The following GCDH variants were observed in gnomAD, a reference collection of about 807,000 sequenced individuals.
GCDH encodes glutaryl-CoA dehydrogenase, mitochondrial.
In GCDH, 31 loss-of-function variants were observed where a neutral mutation model predicts 52.8. The observed-to-expected ratio is 0.59, with a 90% CI of 0.44 to 0.79. The LOEUF is 0.79. Ranked by LOEUF, GCDH falls within the 30% of genes least tolerant of loss-of-function variation. GCDH has a pLI of 0.00. For synonymous variants in GCDH, 242 were observed against 250.0 expected (o/e 0.97, Z 0.30); for missense variants, 509 against 595.0 (o/e 0.86, Z 1.50).
At chr19:12,892,001 A>T in intron 4 of GCDH, 27 bp downstream of exon 4, 1 of 1,614,040 alleles carries the variant, frequency 6.2e-7, no homozygotes, top group Non-Finnish European at 8.5e-7. Context: ...GTGCCCTGAG[A>T]CTGCTCCTCC....
intron 5 of GCDH, 35 bp downstream of exon 5, chr19:12,892,213 C>T (rs768312980): frequency 9.1e-6 from 14 of 1,545,884 alleles, no homozygotes; most frequent in Non-Finnish European, 1.3e-5. Context: ...ACTGCAGAAC[C>T]CTCTGTATTC....
chr19:12,896,157 G>T lies in GCDH; in HGVS notation c.635+36G>T, dbSNP rs761489897. On this transcript the variant is annotated intron_variant, in intron 7 of 11. Transcript: ENST00000222214. This position sits in a 1 kb window ranked among gnomAD's most constrained non-coding sequence, Gnocchi z 5.5. ...TGGGTGGTGGGCAGGTGGTGAACAG[G>T]GGCAAAGGGGCACTGGTCAGACCCC... 6.5e-5 allele frequency: 105 copies of T among 1,613,970 alleles called. No homozygotes were observed. The highest frequency in any genetic ancestry group is 8.2e-5 in the Non-Finnish European group (97 of 1,180,010).
Position 12,896,405 on chromosome 19 carries a change from G to A in GCDH, c.836G>A (p.Gly279Asp). 1 of 1,613,520 alleles carries A rather than the reference G, an allele frequency of 6.2e-7. No individual in the cohort carries two copies. Among genetic ancestry groups the A allele is most frequent in the Non-Finnish European group, 8.5e-7 (1 of 1,179,822 alleles). The stretch of plus-strand genomic sequence containing the variant: ...GTGCCAGAGGAGAATGTGCTCCCTG[G>A]TGCATCCAGCCTGGGGGTAAGTGGC... Reference protein sequence around the residue: ...VEVPEENVLPGASSLGGPFGC... With the variant: ...VEVPEENVLPDASSLGGPFGC... The change falls in exon 8 of 12, where the codon GGT becomes GAT. Residue 279 changes from glycine (G) to aspartate (D), a missense_variant. Coordinates refer to ENST00000222214, the MANE Select transcript of GCDH (RefSeq NM_000159.4). The surrounding 1 kb of genome is among the most constrained non-coding windows in gnomAD (Gnocchi z 5.5).
At chr19:12,894,499 T>A in intron 6 of GCDH, 1 of 712,042 alleles carries the variant, frequency 1.4e-6, no homozygotes, top group Middle Eastern at 2.8e-4. Flanking sequence ...AGGGTATTCC[T>A]GGACTGACTG....
rs1475316070 is a variant in GCDH, at chr19:12,891,379, G to T, written c.75G>T (p.Ser25=). ...PGLHVLRTWV[S]SAAQTEKGGR... is the part of the protein sequence containing the mutation. ...TGCACGTCCTTCGCACGTGGGTCTC[G>T]TCGGCGGCGCAGACCGGTCAGTGTG... is the stretch of plus-strand genomic sequence containing the variant. Residue 25 remains serine, a synonymous_variant, in exon 2 of 12, where the codon TCG becomes TCT. Coordinates refer to ENST00000222214, the MANE Select transcript of GCDH (RefSeq NM_000159.4). 1.9e-6 allele frequency: 3 copies of T among 1,614,042 alleles called. No individual in the cohort carries two copies. In the Admixed American group the frequency reaches 5.0e-5, roughly 27 times the overall value.
chr19:12,896,818 G>A lies in GCDH; in HGVS notation c.853-92G>A. 1 of 871,918 alleles carries A rather than the reference G, an allele frequency of 1.1e-6. No individual in the cohort carries two copies. Among genetic ancestry groups the A allele is most frequent in the African/African-American group, 1.7e-5 (1 of 60,566 alleles). The allele number at this position is 871,918 out of a possible 1,614,324, so 54.0% of individuals were successfully genotyped here. Reference sequence around the variant, plus strand: ...CTGAGTCCCCCTGCGTGGGGTGGCTGGGGAGGAGGCTTTCCCTGCTTCAGA... The same window carrying A: ...CTGAGTCCCCCTGCGTGGGGTGGCTAGGGAGGAGGCTTTCCCTGCTTCAGA... On this transcript the variant is annotated intron_variant, in intron 8 of 11. Transcript: ENST00000222214. This position sits in a 1 kb window ranked among gnomAD's most constrained non-coding sequence, Gnocchi z 5.5.
rs1970800526 is a variant in GCDH at position 12,899,978 on chromosome 19, T to G, written c.*437T>G. ...AAGACCTGCACATCTGACCCCAAGG[T>G]GTCAGGCCGGTTTACTGGTAACCAC... On this transcript the variant is annotated 3_prime_UTR_variant, in exon 12 of 12. Transcript: ENST00000222214. 1 of 1,612,286 alleles carries G rather than the reference T, an allele frequency of 6.2e-7. No homozygotes were observed. The highest frequency in any genetic ancestry group is 8.5e-7 in the Non-Finnish European group (1 of 1,179,634).
chr19:12,893,446 T>A lies in GCDH; in HGVS notation c.335-37T>A, dbSNP rs534426559. On this transcript the variant is annotated intron_variant, in intron 5 of 11. Transcript: ENST00000222214. ...GGGTCTTAGCTGGGCAGGGCCCTGT[T>A]CTCTATTGTCCTGCTTTCCCCTCCT... 14 of 1,592,168 alleles carry A rather than the reference T, an allele frequency of 8.8e-6. No individual in the cohort carries two copies. In the East Asian group the frequency reaches 3.1e-4, roughly 36 times the overall value.
chr19:12,892,278 T>C (rs1212012002), intron 5 of GCDH, 100 bp downstream of exon 5: 1 of 1,085,590 alleles, frequency 9.2e-7, no homozygotes, highest in African/African-American at 1.5e-5. Flanking sequence ...CTCTTTCTTT[T>C]CTTTTCCTTT....
rs918473490 is a variant in GCDH at position 12,899,928 on chromosome 19, G to C, written c.*387G>C. ...GGGTAGTGCCTTATGCTGGGTGTTG[G>C]AGCAGAGTGAGGGAGAGGAAAATAA... is the stretch of plus-strand genomic sequence containing the variant. On this transcript the variant is annotated 3_prime_UTR_variant, in exon 12 of 12. Coordinates refer to ENST00000222214, the MANE Select transcript of GCDH (RefSeq NM_000159.4). The C allele has an allele frequency of 9.9e-6, 16 of 1,611,056 alleles. No individual in the cohort carries two copies. The highest frequency in any genetic ancestry group is 2.7e-5 in the African/African-American group (2 of 74,716).
intron 3 of GCDH, 58 bp from the exon 4 acceptor site, chr19:12,891,773 C>T: frequency 9.9e-6 from 16 of 1,611,014 alleles, no homozygotes; most frequent in Non-Finnish European, 1.4e-5. Flanking sequence ...GATGAGGGTC[C>T]GAGAAGGGAG....
At chr19:12,897,457 A>G in intron 10 of GCDH, 29 bp downstream of exon 10, 1 of 1,605,910 alleles carries the variant, frequency 6.2e-7, no homozygotes, top group Middle Eastern at 1.7e-4. Flanking sequence ...GGGCGGGGGG[A>G]TGGCAGCGGT....
chr19:12,891,721 C>T, intron 3 of GCDH, 110 bp from the exon 4 acceptor site: 3 of 1,605,830 alleles, frequency 1.9e-6, no homozygotes, highest in Non-Finnish European at 1.7e-6. Context: ...GCTTGCAGCT[C>T]GCACTAGCCG....
chr19:12,891,388 G>T lies in GCDH; in HGVS notation c.84G>T (p.Ala28=). 1 of 1,614,078 alleles carries T rather than the reference G, an allele frequency of 6.2e-7. No homozygotes were observed. Among genetic ancestry groups the T allele is most frequent in the Non-Finnish European group, 8.5e-7 (1 of 1,180,018 alleles). The change falls in exon 2 of 12, where the codon GCG becomes GCT. Residue 28 remains alanine (A), a synonymous_variant. Transcript: ENST00000222214. ...HVLRTWVSSA[A]QTEKGGRTQS... ...TTCGCACGTGGGTCTCGTCGGCGGCGCAGACCGGTCAGTGTGGGGTCGGGA... is the reference window on the plus strand; with the variant it reads ...TTCGCACGTGGGTCTCGTCGGCGGCTCAGACCGGTCAGTGTGGGGTCGGGA...
chr19:12,899,159 C>T, intron 11 of GCDH: 1 of 616,548 alleles, frequency 1.6e-6, no homozygotes, highest in Admixed American at 2.8e-5. Flanking sequence ...AAGCCTGGGC[C>T]TATGGCAGGG....
rs377368501 is a variant in GCDH, at chr19:12,892,104, G to A, written c.272-12G>A. ...GGCCTGGGCCTGAATTTGGGCACTG[G>A]TCCCTTTGCAGTTTTTCATCGGGAG... On this transcript the variant is annotated splice_polypyrimidine_tract_variant and intron_variant, in intron 4 of 11. Coordinates refer to ENST00000222214, the MANE Select transcript of GCDH (RefSeq NM_000159.4). 1.1e-4 allele frequency: 182 copies of A among 1,614,128 alleles called. 2 individuals carry two copies. In the South Asian group the frequency reaches 1.9e-3, roughly 17 times the overall value.
At position 12,896,703 on chromosome 19, in the gene GCDH, C is replaced by A. The variant is rs926092453; in HGVS notation, c.853-207C>A. 1.3e-5 allele frequency among the ~76,000 whole-genome samples: 2 copies of A among 152,206 alleles called. No homozygotes were observed. The highest frequency in any genetic ancestry group is 6.5e-5 in the Admixed American group (1 of 15,280). On this transcript the variant is annotated intron_variant, in intron 8 of 11. Coordinates refer to ENST00000222214, the MANE Select transcript of GCDH (RefSeq NM_000159.4). This position sits in a 1 kb window ranked among gnomAD's most constrained non-coding sequence, Gnocchi z 5.5. ...AGCCTCCTGGCTCTGAGCATCGAAC[C>A]CAGATGCCAGGCTGGGTGGGACTGT...
chr19:12,897,297 A>C lies in GCDH; in HGVS notation c.957-6A>C, dbSNP rs748270195. ...CCTCGCTCTTACCCTGCCATTGCCC[A>C]TGTAGGATGCAGTTTGGTGTCCCAC... On this transcript the variant is annotated splice_region_variant and splice_polypyrimidine_tract_variant and intron_variant, in intron 9 of 11. Coordinates refer to ENST00000222214, the MANE Select transcript of GCDH (RefSeq NM_000159.4). The C allele has an allele frequency of 1.1e-5, 17 of 1,613,506 alleles. No individual in the cohort carries two copies. The highest frequency in any genetic ancestry group is 1.7e-5 in the Admixed American group (1 of 59,966).
chr19:12,897,493 G>GGA lies in GCDH; in HGVS notation c.1082+70_1082+71dup, dbSNP rs564114957. ...GGCTGGAGGACCTTGTGTCCTTCCT[G>GGA]GAGAGAAAGGTCCTTCCTGCCTGGT... On this transcript the variant is annotated intron_variant, in intron 10 of 11. Coordinates refer to ENST00000222214, the MANE Select transcript of GCDH (RefSeq NM_000159.4). 4.5e-5 allele frequency: 71 copies of GGA among 1,574,206 alleles called. No homozygotes were observed. The East Asian group carries it at 1.5e-3, about 34-fold the overall frequency.
Sources: gnomAD v4.1 joint callset for allele counts (sites outside exome capture counted in the v4.1 genomes callset) on GRCh38, gnomAD v4.1.1 for gene constraint, Gnocchi (gnomAD v3.1) non-coding constraint, MANE v1.5 for transcripts, NCBI Gene and HGNC (gene_info 2026-07-23, HGNC 2026-07-21) for gene names.